The following SLC11A2 variants were observed in gnomAD, a reference collection of about 807,000 sequenced individuals.
SLC11A2 encodes solute carrier family 11 member 2.
In SLC11A2, 38 loss-of-function variants were observed where a neutral mutation model predicts 68.0. The observed-to-expected ratio is 0.56, with a 90% CI of 0.43 to 0.73. SLC11A2 has a LOEUF of 0.73. SLC11A2 is among the 30% of genes least tolerant of loss of function. The pLI is 0.00. For missense variants in SLC11A2, 517 were observed against 690.5 expected, an observed-to-expected ratio of 0.75 and a Z score of 2.82; for synonymous variants, 242 against 250.6, an observed-to-expected ratio of 0.97 and a Z score of 0.32.
chr12:50,992,841 G>A lies in SLC11A2; in HGVS notation c.1166C>T (p.Thr389Ile). 6.2e-7 allele frequency: 1 copy of A among 1,613,836 alleles called. No homozygotes were observed. Residue 389 changes from threonine (T) to isoleucine (I), a missense_variant, in exon 12 of 16, where the codon ACA becomes ATA. Physicochemically the swap from Thr to Ile is moderately conservative, Grantham distance 89. Coordinates refer to ENST00000262052, the MANE Select transcript of SLC11A2 (RefSeq NM_000617.3). ...ILAAGQSSTMTGTYSGQFVME... is the reference protein window; with the variant it reads ...ILAAGQSSTMIGTYSGQFVME... ...GACAAACTGGCCAGAATAGGTTCCT[G>A]TCATGGTGGAGCTCTGTCCTGCAGC...
intron 13 of SLC11A2, 126 bp from the exon 14 acceptor site, chr12:50,991,798 T>A (rs1941179413): frequency 5.1e-6 from 4 of 777,816 alleles, no homozygotes; most frequent in Non-Finnish European, 8.9e-6. Flanking sequence ...ATTATTCCTA[T>A]CATCCCAACA....
At chr12:50,995,496 G>A in intron 10 of SLC11A2, 133 bp downstream of exon 10, 6 of 931,652 alleles carry the variant, frequency 6.4e-6, no homozygotes, top group South Asian at 1.4e-5. Context: ...AGTGATTTTG[G>A]GGGGCAGACG....
At chr12:51,021,182 A>G (rs1316383238) in intron 1 of SLC11A2, among the ~76,000 whole-genome samples, 1 of 152,230 alleles carries the variant, frequency 6.6e-6, no homozygotes, top group African/African-American at 2.4e-5. Flanking sequence ...TGCAAATACT[A>G]CACCATTTTA....
At chr12:51,010,582 G>A (rs1415712353) in intron 2 of SLC11A2, 113 bp downstream of exon 2, 2 of 686,414 alleles carry the variant, frequency 2.9e-6, no homozygotes, top group Admixed American at 2.1e-5. Flanking sequence ...GAATGGAGTT[G>A]TTAGAATAGA....
rs1943739913 is a variant in SLC11A2, at chr12:51,017,420, G to GAGAAAACACACACGTACACGTACAA, written c.-38-6679_-38-6655dup. Among the ~76,000 whole-genome samples the GAGAAAACACACACGTACACGTACAA allele has an allele frequency of 3.9e-5, 6 of 152,076 alleles. No individual in the cohort carries two copies. The South Asian group carries it at 1.2e-3, about 32-fold the overall frequency. ...TCATGTATGTAGCAAAAAGAAAAAA[G>GAGAAAACACACACGTACACGTACAA]AGAAAACACACACGTACACGTACAA... On this transcript the variant is annotated intron_variant, in intron 1 of 15. Coordinates refer to ENST00000262052, the MANE Select transcript of SLC11A2 (RefSeq NM_000617.3).
chr12:50,974,283 C>T, the SLC11A2 span, among the ~76,000 whole-genome samples: 1 of 152,176 alleles, frequency 6.6e-6, no homozygotes. Flanking sequence ...AGACTAACAG[C>T]TGATCTCTTG....
intron 1 of SLC11A2, among the ~76,000 whole-genome samples, chr12:51,020,029 T>C (rs931352653): frequency 1.3e-5 from 2 of 152,176 alleles, no homozygotes; most frequent in Admixed American, 1.3e-4. Context: ...TTCCAAATTG[T>C]TCTTGAAGGT....
intron 9 of SLC11A2, among the ~76,000 whole-genome samples, chr12:50,996,062 T>C (rs1307105914): frequency 2.0e-5 from 3 of 152,206 alleles, no homozygotes; most frequent in Non-Finnish European, 4.4e-5. Context: ...TTACTCTCAG[T>C]GGCTGGAAGG....
At chr12:50,997,825 G>A (rs1251897184) in intron 8 of SLC11A2, among the ~76,000 whole-genome samples, 1 of 147,508 alleles carries the variant, frequency 6.8e-6, no homozygotes, top group Non-Finnish European at 1.5e-5. Context: ...CCGTCTCTAC[G>A]AAAAATACAA....
At chr12:51,020,869 T>C (rs1332222898) in intron 1 of SLC11A2, among the ~76,000 whole-genome samples, 1 of 151,826 alleles carries the variant, frequency 6.6e-6, no homozygotes, top group East Asian at 2.0e-4. Context: ...TTTGGGAGGC[T>C]GAGGCAGCCC....
chr12:50,995,591 C>T (rs1472681335), intron 10 of SLC11A2, 38 bp downstream of exon 10: 1 of 1,608,874 alleles, frequency 6.2e-7, no homozygotes, highest in African/African-American at 1.3e-5. Context: ...TCACTTTACC[C>T]TCACATTCAC....
At chr12:51,024,936 C>T (rs1175940505) in intron 1 of SLC11A2, 3 of 152,116 alleles carry the variant, frequency 2.0e-5, no homozygotes, top group Non-Finnish European at 4.4e-5. Context: ...TTAGTACTGG[C>T]TCCAAAATAA....
chr12:51,010,499 CAG>C (rs1333336817), intron 2 of SLC11A2, among the ~76,000 whole-genome samples, 194 bp downstream of exon 2: 5 of 127,738 alleles, frequency 3.9e-5, no homozygotes, highest in East Asian at 2.3e-4. Context: ...ACCTGGGTGA[CAG>C]AGACTCCACC....
intron 1 of SLC11A2, among the ~76,000 whole-genome samples, chr12:51,013,857 CG>C (rs970309237): frequency 5.3e-4 from 80 of 151,932 alleles, no homozygotes; most frequent in African/African-American, 1.9e-3. Context: ...AGTCTCACTC[CG>C]TCACTCAGGC....
At chr12:50,968,590 C>T in the SLC11A2 span, among the ~76,000 whole-genome samples, 6 of 151,960 alleles carry the variant, frequency 3.9e-5, no homozygotes, top group African/African-American at 1.4e-4. Flanking sequence ...CACTCTGTTG[C>T]CCAGGCTGGA....
chr12:50,959,309 G>T, the SLC11A2 span, among the ~76,000 whole-genome samples: 2 of 151,736 alleles, frequency 1.3e-5, no homozygotes, highest in African/African-American at 4.8e-5. Flanking sequence ...AGTAGAGATG[G>T]GGGTTTCTCC....
At chr12:50,957,740 C>G in the SLC11A2 span, among the ~76,000 whole-genome samples, 1 of 151,644 alleles carries the variant, frequency 6.6e-6, no homozygotes, top group South Asian at 2.1e-4. Flanking sequence ...CAAAAATTAG[C>G]CAGGTGTGGT....
chr12:50,974,731 T>C (rs553581979), downstream of SLC11A2, among the ~76,000 whole-genome samples: 1 of 152,306 alleles, frequency 6.6e-6, no homozygotes, highest in Non-Finnish European at 1.5e-5. Context: ...CAGTGTGCTA[T>C]ATTCAGGAAA....
the SLC11A2 span, among the ~76,000 whole-genome samples, chr12:50,967,340 T>A: frequency 6.6e-6 from 1 of 152,070 alleles, no homozygotes; most frequent in South Asian, 2.1e-4. Flanking sequence ...AGAGGTGGGA[T>A]CTCCCTATGT....
Sources: allele counts gnomAD v4.1 joint callset (sites outside exome capture counted in the v4.1 genomes callset), GRCh38; gene constraint gnomAD v4.1.1; transcripts MANE v1.5; gene names NCBI Gene and HGNC (gene_info 2026-07-23, HGNC 2026-07-21).